The following TMCO6 variants were observed in gnomAD, a reference collection of about 807,000 sequenced individuals.
The protein encoded by TMCO6 is transmembrane and coiled-coil domain-containing protein 6.
A neutral mutation model predicts 61.8 loss-of-function variants in TMCO6; 47 were observed. The observed-to-expected ratio is 0.76, with a 90% CI of 0.60 to 0.97. TMCO6 has a LOEUF of 0.97. Among genes scored for constraint, TMCO6 ranks in the 50% least tolerant of loss-of-function variants. The pLI is 0.00. For missense variants in TMCO6, 557 were observed against 601.6 expected (o/e 0.93, Z 0.78); for synonymous variants, 261 against 254.2 (o/e 1.03, Z -0.25).
chr5:140,628,748 G>A, the TMCO6 span, among the ~76,000 whole-genome samples: 1 of 152,150 alleles, frequency 6.6e-6, no homozygotes, highest in Admixed American at 6.6e-5. Context: ...CCATTTTATG[G>A]CTTTTCTTGG....
the TMCO6 span, among the ~76,000 whole-genome samples, chr5:140,630,002 T>G: frequency 6.6e-6 from 1 of 152,026 alleles, no homozygotes; most frequent in East Asian, 1.9e-4. Context: ...GCTCCCTTTT[T>G]TTTTTGAGAC....
chr5:140,645,645 T>G, downstream of TMCO6: 1 of 1,614,178 alleles, frequency 6.2e-7, no homozygotes, highest in Non-Finnish European at 8.5e-7. Flanking sequence ...AGCACTGAAG[T>G]TGTTCAAAGG....
At chr5:140,639,350 C>T (rs993635701), upstream of TMCO6, 13 of 625,020 alleles carry the variant, frequency 2.1e-5, no homozygotes, top group African/African-American at 2.5e-4. Flanking sequence ...GCCCCGCCCA[C>T]CGTCCCCGCG....
chr5:140,645,325 GC>G lies in TMCO6; in HGVS notation c.*234del, dbSNP rs550675609. On this transcript the variant is annotated 3_prime_UTR_variant, in exon 12 of 12. Transcript: ENST00000394671. Reference sequence around the variant, plus strand: ...CTTACTCTGGGGCCCTAGAATCCCTGCCCCCCCGCCACCCTTCATGTTTGCT... The same window carrying G: ...CTTACTCTGGGGCCCTAGAATCCCTGCCCCCCGCCACCCTTCATGTTTGCT... 11 of 726,294 alleles carry G rather than the reference GC, an allele frequency of 1.5e-5. No individual in the cohort carries two copies. Among genetic ancestry groups the G allele is most frequent in the African/African-American group, 5.3e-5 (3 of 57,076 alleles). The allele number at this position is 726,294 out of a possible 1,614,324, so 45.0% of individuals were successfully genotyped here. A position where few individuals can be genotyped will look rare whatever the true frequency, so the allele number is the denominator to read the frequency against.
the TMCO6 span, among the ~76,000 whole-genome samples, chr5:140,605,730 CACACACACA>C: frequency 0.26 from 21,970 of 83,074 alleles, 2,092 homozygotes; most frequent in East Asian, 0.32. Flanking sequence ...CACACACACA[CACACACACA>C]AAGAAAGAAG....
chr5:140,600,397 T>A, the TMCO6 span, among the ~76,000 whole-genome samples: 1 of 152,124 alleles, frequency 6.6e-6, no homozygotes. Context: ...ACAATCAGTG[T>A]GACTTGGGCC....
chr5:140,642,457 G>A, intron 5 of TMCO6, 38 bp downstream of exon 5: 1 of 1,607,328 alleles, frequency 6.2e-7, no homozygotes, highest in Non-Finnish European at 8.5e-7. Context: ...CCCTTCCTTT[G>A]CTCCTCCCCA....
chr5:140,647,217 C>T (rs753797530), downstream of TMCO6: 1 of 1,520,468 alleles, frequency 6.6e-7, no homozygotes, highest in South Asian at 1.3e-5. Context: ...ACCCTTGTTC[C>T]CCTACCGGAG....
chr5:140,622,174 C>T, the TMCO6 span, among the ~76,000 whole-genome samples: 1 of 152,164 alleles, frequency 6.6e-6, no homozygotes, highest in African/African-American at 2.4e-5. Context: ...ACGGAACCTA[C>T]CGACATGTGA....
intron 7 of TMCO6, 24 bp from the exon 8 acceptor site, chr5:140,643,540 G>A: frequency 1.9e-6 from 3 of 1,601,952 alleles, no homozygotes; most frequent in Non-Finnish European, 2.6e-6. Flanking sequence ...TATACCTAGG[G>A]ACTGCTTGCT....
At chr5:140,631,991 G>A in the TMCO6 span, 1 of 1,614,062 alleles carries the variant, frequency 6.2e-7, no homozygotes, top group Non-Finnish European at 8.5e-7. Flanking sequence ...CAGGGACCAG[G>A]AAGGGATTCC....
upstream of TMCO6, among the ~76,000 whole-genome samples, chr5:140,638,002 CCTTT>C (rs112886047): frequency 1.6e-4 from 23 of 142,130 alleles, no homozygotes; most frequent in Admixed American, 6.1e-4. Flanking sequence ...TTTCTTCCTT[CCTTT>C]CTTTCTTTTC....
chr5:140,643,078 CT>C (rs1349793482), intron 7 of TMCO6, 37 bp downstream of exon 7: 2 of 1,613,514 alleles, frequency 1.2e-6, no homozygotes, highest in Middle Eastern at 3.3e-4. Context: ...CAGATCTTCC[CT>C]GGGGCTCCCT....
At chr5:140,613,897 G>A in the TMCO6 span, among the ~76,000 whole-genome samples, 2 of 146,612 alleles carry the variant, frequency 1.4e-5, no homozygotes, top group Admixed American at 1.4e-4. Flanking sequence ...TTTTTTTGTT[G>A]TTGTTGTTGT....
At chr5:140,602,357 G>A in the TMCO6 span, among the ~76,000 whole-genome samples, 8 of 152,188 alleles carry the variant, frequency 5.3e-5, no homozygotes, top group Admixed American at 3.9e-4. Context: ...CCTCAACACC[G>A]CCCTACACAT....
the TMCO6 span, among the ~76,000 whole-genome samples, chr5:140,619,262 C>G: frequency 1.3e-5 from 2 of 152,190 alleles, no homozygotes; most frequent in Non-Finnish European, 2.9e-5. Context: ...GGAGCACCAT[C>G]ATCTTGGACA....
chr5:140,631,792 C>T, the TMCO6 span: 724 of 1,442,192 alleles, frequency 5.0e-4, 2 homozygotes, highest in Non-Finnish European at 6.1e-4. Flanking sequence ...AAGTCCTCAA[C>T]GTCCTGACGG....
chr5:140,600,794 A>T, the TMCO6 span, among the ~76,000 whole-genome samples: 7 of 152,158 alleles, frequency 4.6e-5, no homozygotes, highest in African/African-American at 1.7e-4. Context: ...CCTTCTGTTT[A>T]TAATACTAGG....
At chr5:140,642,117 G>GT in intron 4 of TMCO6, 64 bp downstream of exon 4, 2 of 1,560,002 alleles carry the variant, frequency 1.3e-6, no homozygotes, top group South Asian at 2.4e-5. Flanking sequence ...TTTGGGACCA[G>GT]TTTGAGCTGG....
Sources: allele counts gnomAD v4.1 joint callset (sites outside exome capture counted in the v4.1 genomes callset), GRCh38; gene constraint gnomAD v4.1.1; transcripts MANE v1.5; gene names NCBI Gene and HGNC (gene_info 2026-07-23, HGNC 2026-07-21).